GRID2: variants seen among roughly 807,000 people sequenced by gnomAD.
GRID2 encodes the protein glutamate receptor ionotropic, delta-2.
Under a neutral mutation model 114.8 loss-of-function variants are expected in GRID2, and 33 were observed. The observed-to-expected ratio is 0.29, with a 90% CI of 0.22 to 0.38. The LOEUF (loss-of-function observed/expected upper bound fraction) is 0.38, where lower values mean the gene tolerates loss of function less well. GRID2 is among the 10% of genes least tolerant of loss of function. The pLI is 1.00. For synonymous variants in GRID2, 505 were observed against 449.9 expected, an observed-to-expected ratio of 1.12 and a Z score of -1.55; for missense variants, 1,184 against 1,257.7, an observed-to-expected ratio of 0.94 and a Z score of 0.89.
At chr4:93,607,761 C>T (rs1202003530) in intron 13 of GRID2, among the ~76,000 whole-genome samples, 2 of 152,074 alleles carry the variant, frequency 1.3e-5, no homozygotes, top group African/African-American at 4.8e-5. Context: ...ATTTTGTACT[C>T]ACCACTAATG....
intron 2 of GRID2, among the ~76,000 whole-genome samples, chr4:92,995,855 C>T (rs1216507356): frequency 6.6e-6 from 1 of 152,202 alleles, no homozygotes; most frequent in East Asian, 1.9e-4. Context: ...AGCATTTCTC[C>T]TATCTTTTTG....
chr4:93,526,283 C>T (rs1358893185), intron 13 of GRID2, among the ~76,000 whole-genome samples: 2 of 152,100 alleles, frequency 1.3e-5, no homozygotes, highest in African/African-American at 4.8e-5. Flanking sequence ...TGCCTGCTTC[C>T]CCTTCACCTT....
intron 4 of GRID2, among the ~76,000 whole-genome samples, chr4:93,174,201 G>A (rs1424302062): frequency 1.3e-5 from 2 of 152,138 alleles, no homozygotes; most frequent in Middle Eastern, 6.8e-3. Flanking sequence ...TGTGATCACC[G>A]CCACAGCCAA....
At chr4:92,498,097 AAGAAGGG>A (rs1723484715) in intron 1 of GRID2, among the ~76,000 whole-genome samples, 1 of 151,876 alleles carries the variant, frequency 6.6e-6, no homozygotes. Flanking sequence ...TAAGGAAGAC[AAGAAGGG>A]AGAAGTAGAA....
intron 15 of GRID2, among the ~76,000 whole-genome samples, chr4:93,770,548 G>C (rs75933161): frequency 0.064 from 9,685 of 152,190 alleles, 329 homozygotes; most frequent in Middle Eastern, 0.089. Flanking sequence ...GAAAAGCTTG[G>C]CTTTAGCAAA....
chr4:92,660,880 A>G (rs923802479), intron 2 of GRID2, among the ~76,000 whole-genome samples: 3 of 151,192 alleles, frequency 2.0e-5, no homozygotes, highest in Non-Finnish European at 4.5e-5. Flanking sequence ...TATTTTGTTC[A>G]TTAAGATAAA....
At chr4:93,559,162 G>A (rs1734633007) in intron 13 of GRID2, among the ~76,000 whole-genome samples, 1 of 152,160 alleles carries the variant, frequency 6.6e-6, no homozygotes, top group African/African-American at 2.4e-5. Context: ...ATAGCATTCA[G>A]GACATAGGCA....
At chr4:92,868,068 C>A (rs1560653272) in intron 2 of GRID2, among the ~76,000 whole-genome samples, 1 of 112,026 alleles carries the variant, frequency 8.9e-6, no homozygotes, top group South Asian at 2.9e-4. Context: ...TTCTTTCTTT[C>A]TGTCTGTCTG....
intron 13 of GRID2, among the ~76,000 whole-genome samples, chr4:93,517,010 T>G (rs1164280984): frequency 6.6e-6 from 1 of 152,102 alleles, no homozygotes; most frequent in South Asian, 2.1e-4. Context: ...CAATCCGGGT[T>G]TGAATCCAGC....
chr4:93,228,285 A>G (rs1254496184), intron 7 of GRID2, among the ~76,000 whole-genome samples: 1 of 152,148 alleles, frequency 6.6e-6, no homozygotes, highest in Non-Finnish European at 1.5e-5. Flanking sequence ...AGGACACCAC[A>G]TGGCAAGCAA....
chr4:93,244,020 A>G (rs1004873545), intron 8 of GRID2, among the ~76,000 whole-genome samples: 2 of 152,142 alleles, frequency 1.3e-5, no homozygotes, highest in African/African-American at 4.8e-5. Context: ...ATAAGAAGAC[A>G]TAAAAAGTAA....
chr4:93,738,947 A>C (rs1279293467), intron 14 of GRID2, among the ~76,000 whole-genome samples: 1 of 152,068 alleles, frequency 6.6e-6, no homozygotes, highest in Non-Finnish European at 1.5e-5. Context: ...AGAAAAACAG[A>C]GTTTTAATAA....
At chr4:92,947,664 T>G (rs1302769476) in intron 2 of GRID2, among the ~76,000 whole-genome samples, 1 of 151,862 alleles carries the variant, frequency 6.6e-6, no homozygotes, top group African/African-American at 2.4e-5. Context: ...TGACCATATA[T>G]AGCCTTCAAA....
At chr4:92,872,988 G>A (rs1745382792) in intron 2 of GRID2, among the ~76,000 whole-genome samples, 1 of 152,048 alleles carries the variant, frequency 6.6e-6, no homozygotes, top group Admixed American at 6.6e-5. Context: ...TCAACATGGT[G>A]GATTAGTACC....
intron 1 of GRID2, among the ~76,000 whole-genome samples, chr4:92,572,882 G>T (rs188611467): frequency 1.3e-5 from 2 of 151,528 alleles, no homozygotes; most frequent in Admixed American, 6.6e-5. Context: ...TTTTGGAATA[G>T]TATCAGTAGG....
chr4:92,691,584 A>T (rs575935007), intron 2 of GRID2, among the ~76,000 whole-genome samples: 1 of 152,228 alleles, frequency 6.6e-6, no homozygotes, highest in South Asian at 2.1e-4. Flanking sequence ...CTGTATCAAT[A>T]TATTTCAAAG....
At chr4:93,388,865 T>A (rs1764578376) in intron 8 of GRID2, among the ~76,000 whole-genome samples, 1 of 152,074 alleles carries the variant, frequency 6.6e-6, no homozygotes, top group Non-Finnish European at 1.5e-5. Flanking sequence ...GACAGCTTGA[T>A]TTTTGGCTAG....
chr4:92,642,019 A>T (rs148256631), intron 2 of GRID2, among the ~76,000 whole-genome samples: 60 of 151,186 alleles, frequency 4.0e-4, no homozygotes, highest in African/African-American at 1.4e-3. Flanking sequence ...CATTTTCTTT[A>T]TCCAATCTAC....
chr4:92,464,993 C>G (rs921036334), intron 1 of GRID2, among the ~76,000 whole-genome samples: 1 of 152,094 alleles, frequency 6.6e-6, no homozygotes, highest in Non-Finnish European at 1.5e-5. Context: ...TCTTCACTCT[C>G]TCTCTCTTGC....
Sources: gnomAD v4.1 joint callset for allele counts (sites outside exome capture counted in the v4.1 genomes callset) on GRCh38, gnomAD v4.1.1 for gene constraint, MANE v1.5 for transcripts, NCBI Gene and HGNC (gene_info 2026-07-23, HGNC 2026-07-21) for gene names.